Variants in OPCML observed in about 807,000 individuals in gnomAD.
OPCML encodes the protein opioid-binding protein/cell adhesion molecule.
A neutral mutation model predicts 37.8 loss-of-function variants in OPCML; 13 were observed. The observed-to-expected ratio is 0.34, with a 90% CI of 0.22 to 0.55. The LOEUF (loss-of-function observed/expected upper bound fraction) is 0.55. Among genes scored for constraint, OPCML ranks in the 20% least tolerant of loss-of-function variants. The pLI is 0.91. For missense variants in OPCML, 341 were observed against 435.6 expected, an observed-to-expected ratio of 0.78 and a Z score of 1.93; for synonymous variants, 176 against 168.8, an observed-to-expected ratio of 1.04 and a Z score of -0.33.
intron 1 of OPCML, among the ~76,000 whole-genome samples, chr11:133,107,111 T>A (rs1171399406): frequency 1.3e-5 from 2 of 152,226 alleles, no homozygotes; most frequent in Non-Finnish European, 2.9e-5. Flanking sequence ...CCACCTTCTC[T>A]TCTCCATCCA....
intron 3 of OPCML, among the ~76,000 whole-genome samples, chr11:132,532,225 G>A (rs1320009428): frequency 3.9e-5 from 6 of 152,130 alleles, no homozygotes; most frequent in African/African-American, 1.2e-4. Context: ...TAACCAAGAT[G>A]TTCCCTCTAA....
At chr11:132,676,779 A>C (rs1446166652) in intron 2 of OPCML, among the ~76,000 whole-genome samples, 1 of 149,418 alleles carries the variant, frequency 6.7e-6, no homozygotes, top group African/African-American at 2.5e-5. Flanking sequence ...GAAAGAAAGA[A>C]AACAAACAAG....
At chr11:132,777,667 AAATCGGCCACTT>A (rs1946852448) in intron 2 of OPCML, among the ~76,000 whole-genome samples, 1 of 152,182 alleles carries the variant, frequency 6.6e-6, no homozygotes, top group South Asian at 2.1e-4. Flanking sequence ...CCAAAAAGAT[AAATCGGCCACTT>A]AATCTTGCTA....
At chr11:132,953,564 T>C (rs1403075751) in intron 1 of OPCML, among the ~76,000 whole-genome samples, 6 of 152,152 alleles carry the variant, frequency 3.9e-5, no homozygotes, top group Non-Finnish European at 8.8e-5. Flanking sequence ...AAAACCATTA[T>C]ATTGAGACCT....
intron 1 of OPCML, among the ~76,000 whole-genome samples, chr11:133,381,399 C>T (rs1213660703): frequency 3.9e-5 from 6 of 152,096 alleles, no homozygotes; most frequent in East Asian, 1.9e-4. Flanking sequence ...ACAAATACAA[C>T]GTAGAAAGAA....
intron 1 of OPCML, among the ~76,000 whole-genome samples, chr11:133,434,538 T>C (rs1238464601): frequency 2.6e-5 from 4 of 152,040 alleles, no homozygotes; most frequent in Admixed American, 6.6e-5. Context: ...TTGAATTCAA[T>C]ACTCCATGGC....
chr11:132,829,902 T>C (rs1212034272), intron 2 of OPCML, among the ~76,000 whole-genome samples: 1 of 152,240 alleles, frequency 6.6e-6, no homozygotes, highest in Admixed American at 6.5e-5. Flanking sequence ...TGTGTATTAA[T>C]AATATACTTT....
At chr11:133,265,504 T>C (rs1941629677) in intron 1 of OPCML, among the ~76,000 whole-genome samples, 1 of 152,222 alleles carries the variant, frequency 6.6e-6, no homozygotes. Context: ...AATGGATATT[T>C]GCTATCAATT....
At chr11:132,648,173 C>T (rs1941249909) in intron 3 of OPCML, among the ~76,000 whole-genome samples, 1 of 152,124 alleles carries the variant, frequency 6.6e-6, no homozygotes, top group South Asian at 2.1e-4. Flanking sequence ...GGCTTGAAAC[C>T]TTATGTAAGA....
intron 1 of OPCML, among the ~76,000 whole-genome samples, chr11:132,990,367 C>T (rs1398413211): frequency 6.6e-6 from 1 of 152,224 alleles, no homozygotes; most frequent in Admixed American, 6.5e-5. Context: ...TCTCCTCTCT[C>T]AACATTTCTG....
chr11:132,778,421 T>C (rs1253751335), intron 2 of OPCML, among the ~76,000 whole-genome samples: 2 of 152,182 alleles, frequency 1.3e-5, no homozygotes, highest in Non-Finnish European at 2.9e-5. Context: ...CATGGAAGAT[T>C]AAAAAGTAAA....
At chr11:133,351,462 C>G (rs150821308) in intron 1 of OPCML, among the ~76,000 whole-genome samples, 2 of 152,146 alleles carry the variant, frequency 1.3e-5, no homozygotes, top group East Asian at 3.9e-4. Flanking sequence ...TGCCTCTCCA[C>G]GCTTCTGTGA....
At chr11:132,949,260 C>T (rs1945808180) in intron 1 of OPCML, among the ~76,000 whole-genome samples, 1 of 152,198 alleles carries the variant, frequency 6.6e-6, no homozygotes, top group Non-Finnish European at 1.5e-5. Context: ...TTCAAACTGG[C>T]TTAAGTAAGA....
At chr11:133,519,146 G>T (rs1307371243) in intron 1 of OPCML, among the ~76,000 whole-genome samples, 1 of 152,084 alleles carries the variant, frequency 6.6e-6, no homozygotes, top group Non-Finnish European at 1.5e-5. Flanking sequence ...TGGGTGGTCT[G>T]GGCTTCACCT....
chr11:133,054,317 C>A (rs926046875), intron 1 of OPCML, among the ~76,000 whole-genome samples: 1 of 152,152 alleles, frequency 6.6e-6, no homozygotes, highest in Non-Finnish European at 1.5e-5. Context: ...AGTCAGATGG[C>A]ATTTATGTCA....
chr11:132,897,887 A>C (rs1294083258), intron 2 of OPCML, among the ~76,000 whole-genome samples: 1 of 152,218 alleles, frequency 6.6e-6, no homozygotes, highest in African/African-American at 2.4e-5. Context: ...TGAGTCGGCA[A>C]AGGATGTGAA....
At chr11:133,496,396 T>A (rs1947787966) in intron 1 of OPCML, among the ~76,000 whole-genome samples, 1 of 152,214 alleles carries the variant, frequency 6.6e-6, no homozygotes, top group African/African-American at 2.4e-5. Context: ...ATTTTTTGGT[T>A]CCATATGAAT....
intron 1 of OPCML, chr11:133,026,628 T>C (rs1176171797): frequency 1.0e-6 from 1 of 971,664 alleles, no homozygotes; most frequent in African/African-American, 1.8e-5. Context: ...CTTTCTCTCA[T>C]GACTTGCCTC....
At chr11:133,309,980 T>G (rs1943028391) in intron 1 of OPCML, among the ~76,000 whole-genome samples, 1 of 152,046 alleles carries the variant, frequency 6.6e-6, no homozygotes, top group Admixed American at 6.6e-5. Flanking sequence ...AATGAGGCCG[T>G]TTGATAAATG....
Sources: allele counts gnomAD v4.1 joint callset (sites outside exome capture counted in the v4.1 genomes callset), GRCh38; gene constraint gnomAD v4.1.1; transcripts MANE v1.5; gene names NCBI Gene and HGNC (gene_info 2026-07-23, HGNC 2026-07-21).